Variants in ZBTB20 observed in about 807,000 individuals in gnomAD.
ZBTB20 encodes zinc finger and BTB domain-containing protein 20.
ZBTB20 carries 9 observed loss-of-function variants against 56.9 expected under a neutral mutation model. The observed-to-expected ratio is 0.16, with a 90% CI of 0.10 to 0.28. The LOEUF is 0.28. Among genes scored for constraint, ZBTB20 ranks in the 10% least tolerant of loss-of-function variants. ZBTB20 has a pLI of 1.00. For missense variants in ZBTB20, 655 were observed against 1,003.0 expected (o/e 0.65, Z 4.69); for synonymous variants, 417 against 420.7 (o/e 0.99, Z 0.11).
At position 115,106,817 on chromosome 3, in the gene ZBTB20, C is replaced by G. The variant is rs535461704; in HGVS notation, c.-702-35403G>C. 3.9e-5 allele frequency among the ~76,000 whole-genome samples: 6 copies of G among 152,236 alleles called. No homozygotes were observed. The South Asian group carries it at 1.2e-3, about 32-fold the overall frequency. ...TCGCCACCTTCTTCCCCTCTGCCCCCCAGAGCAGAGACCCTACTTATTAAG... is the reference window on the plus strand; with the variant it reads ...TCGCCACCTTCTTCCCCTCTGCCCCGCAGAGCAGAGACCCTACTTATTAAG... On this transcript the variant is annotated intron_variant, in intron 1 of 11. Transcript: ENST00000675478.
At chr3:114,485,348 G>C (rs989023869) in intron 7 of ZBTB20, among the ~76,000 whole-genome samples, 1 of 152,160 alleles carries the variant, frequency 6.6e-6, no homozygotes, top group African/African-American at 2.4e-5. Context: ...AGGGTGGCTA[G>C]TGCAGTTAAG....
intron 2 of ZBTB20, among the ~76,000 whole-genome samples, chr3:114,988,140 A>G (rs2078630593): frequency 1.4e-5 from 2 of 145,478 alleles, no homozygotes; most frequent in Admixed American, 7.0e-5. Context: ...GTACATGTGC[A>G]CAATGTGCAG....
chr3:114,570,565 G>A (rs578224866), intron 6 of ZBTB20, among the ~76,000 whole-genome samples: 7 of 152,066 alleles, frequency 4.6e-5, no homozygotes, highest in Admixed American at 3.9e-4. Context: ...AGTGTGCAGA[G>A]TTAGAATTTA....
chr3:114,435,442 C>T (rs897589286), intron 7 of ZBTB20, among the ~76,000 whole-genome samples: 11 of 152,096 alleles, frequency 7.2e-5, no homozygotes, highest in African/African-American at 2.4e-4. Context: ...AGAGAAGTTA[C>T]GTAAATATCC....
At chr3:115,146,789 G>A (rs2084993887) in intron 1 of ZBTB20, among the ~76,000 whole-genome samples, 1 of 152,180 alleles carries the variant, frequency 6.6e-6, no homozygotes, top group Non-Finnish European at 1.5e-5. Flanking sequence ...GCCCCGGCTA[G>A]TCCCCCTCAG....
chr3:114,919,031 T>C (rs113265195), intron 3 of ZBTB20, among the ~76,000 whole-genome samples: 4 of 152,326 alleles, frequency 2.6e-5, no homozygotes, highest in South Asian at 2.1e-4. Context: ...TTGTTGATAC[T>C]TGAGTTCCAA....
intron 5 of ZBTB20, among the ~76,000 whole-genome samples, chr3:114,700,002 T>C (rs985258713): frequency 2.6e-5 from 4 of 152,152 alleles, no homozygotes; most frequent in Admixed American, 1.3e-4. Flanking sequence ...AGGATTCTTT[T>C]ATAAGACAAG....
At chr3:114,640,587 A>G (rs1476990124) in intron 6 of ZBTB20, among the ~76,000 whole-genome samples, 1 of 152,064 alleles carries the variant, frequency 6.6e-6, no homozygotes, top group Non-Finnish European at 1.5e-5. Flanking sequence ...CCAATGGCCC[A>G]GTCACAATTA....
intron 6 of ZBTB20, among the ~76,000 whole-genome samples, chr3:114,521,780 T>C (rs2046666701): frequency 6.6e-6 from 1 of 152,210 alleles, no homozygotes; most frequent in Non-Finnish European, 1.5e-5. Flanking sequence ...TCTAAGATTC[T>C]GGATAAGCCT....
intron 4 of ZBTB20, among the ~76,000 whole-genome samples, chr3:114,853,113 C>T (rs1261853001): frequency 6.6e-6 from 1 of 152,132 alleles, no homozygotes; most frequent in Non-Finnish European, 1.5e-5. Flanking sequence ...ACCTTGCCAC[C>T]CATGCATCCT....
At position 114,337,077 on chromosome 3, in the gene ZBTB20, C is replaced by G. The variant is rs1165138768; in HGVS notation, c.*1928G>C. 1.3e-5 allele frequency: 2 copies of G among 152,168 alleles called. No individual in the cohort carries two copies. Among genetic ancestry groups the G allele is most frequent in the Non-Finnish European group, 2.9e-5 (2 of 68,038 alleles). The allele number at this position is 152,168 out of a possible 1,614,324, so 9.4% of individuals were successfully genotyped here. ...TGGTATGATGCAATAGATTGGTGGT[C>G]TTTTGAATGGTGGCTGTTGGCATCT... On this transcript the variant is annotated 3_prime_UTR_variant, in exon 12 of 12. Transcript: ENST00000675478.
chr3:115,076,159 T>A (rs936661967), intron 1 of ZBTB20, among the ~76,000 whole-genome samples: 1 of 152,176 alleles, frequency 6.6e-6, no homozygotes, highest in Admixed American at 6.5e-5. Context: ...GACTTTAATA[T>A]TGTTAAAATG....
Position 114,318,936 on chromosome 3 carries a change from A to G in ZBTB20, c.*20069T>C, listed in dbSNP as rs2078792695. ...GTCCAGTGTTTTTGACATTTCATAA[A>G]TAGCTTTTTTTCTCTAAAAAAAGAA... On this transcript the variant is annotated 3_prime_UTR_variant, in exon 12 of 12. Coordinates refer to ENST00000675478, the MANE Select transcript of ZBTB20 (RefSeq NM_001348800.3). 6.6e-6 allele frequency: 1 copy of G among 152,168 alleles called. No homozygotes were observed. Among genetic ancestry groups the G allele is most frequent in the Non-Finnish European group, 1.5e-5 (1 of 68,032 alleles). The allele number at this position is 152,168 out of a possible 1,614,324, so 9.4% of individuals were successfully genotyped here. A position where few individuals can be genotyped will look rare whatever the true frequency, so the allele number is the denominator to read the frequency against.
chr3:115,070,555 T>C (rs914581588), intron 2 of ZBTB20, among the ~76,000 whole-genome samples: 2 of 152,082 alleles, frequency 1.3e-5, no homozygotes, highest in African/African-American at 2.4e-5. Context: ...ACAATACTAT[T>C]TAATAGGTAT....
chr3:114,568,145 A>G (rs2053004637), intron 6 of ZBTB20, among the ~76,000 whole-genome samples: 1 of 152,264 alleles, frequency 6.6e-6, no homozygotes, highest in South Asian at 2.1e-4. Flanking sequence ...TCAATAGAAC[A>G]GGCTGAGGAG....
chr3:114,719,547 T>C (rs2108486735), intron 5 of ZBTB20, among the ~76,000 whole-genome samples: 1 of 152,192 alleles, frequency 6.6e-6, no homozygotes, highest in Non-Finnish European at 1.5e-5. Flanking sequence ...CCCTCCAGTA[T>C]TGGGTTATTA....
At chr3:114,879,597 T>C (rs1164735349) in intron 4 of ZBTB20, among the ~76,000 whole-genome samples, 3 of 152,196 alleles carry the variant, frequency 2.0e-5, no homozygotes, top group Non-Finnish European at 2.9e-5. Context: ...CTGAGTGCTA[T>C]AGTGTCTGTT....
chr3:114,719,372 T>C (rs1291910223), intron 5 of ZBTB20, among the ~76,000 whole-genome samples: 2 of 152,014 alleles, frequency 1.3e-5, no homozygotes, highest in African/African-American at 4.8e-5. Flanking sequence ...GATATGGACA[T>C]AGCTAAAAGA....
intron 1 of ZBTB20, among the ~76,000 whole-genome samples, chr3:115,128,111 C>G (rs567387283): frequency 6.6e-6 from 1 of 152,016 alleles, no homozygotes; most frequent in Admixed American, 6.6e-5. Flanking sequence ...CAAGAATGCA[C>G]GCAACATATA....
Sources: gnomAD v4.1 joint callset for allele counts (sites outside exome capture counted in the v4.1 genomes callset) on GRCh38, gnomAD v4.1.1 for gene constraint, MANE v1.5 for transcripts, NCBI Gene and HGNC (gene_info 2026-07-23, HGNC 2026-07-21) for gene names.